FGD3: variants seen among roughly 807,000 people sequenced by gnomAD.
FGD3 encodes the protein FYVE, RhoGEF and PH domain-containing protein 3.
FGD3 carries 45 observed loss-of-function variants against 71.8 expected under a neutral mutation model. That is an observed-to-expected ratio of 0.63 (90% CI 0.49 to 0.80). The LOEUF (loss-of-function observed/expected upper bound fraction) is 0.80. Among genes scored for constraint, FGD3 ranks in the 30% least tolerant of loss-of-function variants. The pLI is 0.00. For missense variants in FGD3, 844 were observed against 951.5 expected, an observed-to-expected ratio of 0.89 and a Z score of 1.49; for synonymous variants, 378 against 392.8, an observed-to-expected ratio of 0.96 and a Z score of 0.44.
chr9:93,019,932 C>T, intron 12 of FGD3, 71 bp downstream of exon 12: 1 of 1,563,512 alleles, frequency 6.4e-7, no homozygotes, highest in South Asian at 1.1e-5. Context: ...CATGTTGGTT[C>T]AGAGGGTGGG....
At chr9:92,981,716 C>T (rs773214384) in intron 3 of FGD3, among the ~76,000 whole-genome samples, 4 of 152,112 alleles carry the variant, frequency 2.6e-5, no homozygotes, top group Admixed American at 1.3e-4. Context: ...TATTTAGGAG[C>T]GCTGAGGTTT....
intron 11 of FGD3, among the ~76,000 whole-genome samples, chr9:93,019,102 G>A (rs1480221040): frequency 1.3e-5 from 2 of 152,082 alleles, no homozygotes; most frequent in Non-Finnish European, 2.9e-5. Flanking sequence ...ACACCCCCTC[G>A]GCCTCCCAAA....
intron 1 of FGD3, among the ~76,000 whole-genome samples, chr9:92,963,048 G>A (rs1324584410): frequency 1.3e-5 from 2 of 152,098 alleles, no homozygotes; most frequent in African/African-American, 2.4e-5. Context: ...TCCTTGTCAC[G>A]GCTGGGTGTA....
intron 1 of FGD3, among the ~76,000 whole-genome samples, chr9:92,967,468 C>G (rs571894421): frequency 1.3e-5 from 2 of 152,216 alleles, no homozygotes; most frequent in Non-Finnish European, 2.9e-5. Flanking sequence ...TAGGACCTAA[C>G]GTAGGTGGAA....
chr9:93,034,448 C>A, intron 16 of FGD3, 93 bp from the exon 17 acceptor site: 1 of 1,458,324 alleles, frequency 6.9e-7, no homozygotes, highest in Non-Finnish European at 9.2e-7. Flanking sequence ...CAGCTCCCCC[C>A]AAGCAGTGGC....
At chr9:93,018,490 G>A (rs1228072042) in intron 11 of FGD3, among the ~76,000 whole-genome samples, 1 of 152,138 alleles carries the variant, frequency 6.6e-6, no homozygotes, top group African/African-American at 2.4e-5. Context: ...GGCATACACA[G>A]CAGGGAATAA....
chr9:93,005,555 T>C (rs1861017986), intron 5 of FGD3, among the ~76,000 whole-genome samples: 1 of 152,218 alleles, frequency 6.6e-6, no homozygotes, highest in Non-Finnish European at 1.5e-5. Context: ...TTTCTGTTTC[T>C]TGAAAATTAT....
chr9:92,978,292 A>AC (rs1225519223), intron 3 of FGD3, among the ~76,000 whole-genome samples: 1 of 152,066 alleles, frequency 6.6e-6, no homozygotes, highest in Non-Finnish European at 1.5e-5. Context: ...CAAAAAAAAA[A>AC]AAAAAAAGAA....
Position 93,035,328 on chromosome 9 carries a change from T to C in FGD3, c.1927-10T>C, listed in dbSNP as rs1349721459. Reference sequence around the variant, plus strand: ...TGTGGCCCCGCTGACCATCTGCTCCTCTGCTGCAGGACGGCCGGCTGCCCC... The same window carrying C: ...TGTGGCCCCGCTGACCATCTGCTCCCCTGCTGCAGGACGGCCGGCTGCCCC... On this transcript the variant is annotated splice_polypyrimidine_tract_variant and intron_variant, in intron 17 of 17. Transcript: ENST00000375482. 6.2e-7 allele frequency: 1 copy of C among 1,606,112 alleles called. No individual in the cohort carries two copies. Among genetic ancestry groups the C allele is most frequent in the Non-Finnish European group, 8.5e-7 (1 of 1,176,220 alleles).
chr9:92,989,679 C>T (rs191447661), intron 3 of FGD3, among the ~76,000 whole-genome samples: 9 of 152,208 alleles, frequency 5.9e-5, no homozygotes, highest in South Asian at 2.1e-4. Context: ...GAAAAGGAGC[C>T]GGTAGGCGAA....
intron 3 of FGD3, among the ~76,000 whole-genome samples, chr9:93,000,134 A>G (rs549737406): frequency 2.0e-5 from 3 of 152,052 alleles, no homozygotes; most frequent in East Asian, 3.9e-4. Flanking sequence ...TACCATTGCA[A>G]TTACATAAAA....
intron 14 of FGD3, 104 bp from the exon 15 acceptor site, chr9:93,029,770 G>A: frequency 6.8e-7 from 1 of 1,466,746 alleles, no homozygotes; most frequent in East Asian, 2.5e-5. Context: ...TTTGCCTTGA[G>A]CCTGTGTGGC....
chr9:93,035,528 C>T lies in FGD3; in HGVS notation c.2117C>T (p.Thr706Met), dbSNP rs536729891. Residue 706 changes from threonine to methionine, a missense_variant, in exon 18 of 18, where the codon ACG (threonine) becomes ATG (methionine). Transcript: ENST00000375482. ...ETLSTAAHGD[T>M]AQDSPGALQL... ...CTAAGCACTGCTGCCCATGGGGACA[C>T]GGCCCAGGACAGCCCGGGGGCCCTG... is the stretch of plus-strand genomic sequence containing the variant. 6.5e-5 allele frequency: 104 copies of T among 1,611,558 alleles called. No homozygotes were observed. Among genetic ancestry groups the T allele is most frequent in the Middle Eastern group, 1.7e-4 (1 of 5,776 alleles).
At chr9:93,002,823 C>T (rs1399804348) in intron 3 of FGD3, 102 bp from the exon 4 acceptor site, 6 of 1,157,402 alleles carry the variant, frequency 5.2e-6, no homozygotes, top group Non-Finnish European at 7.6e-6. Context: ...CCTCCTGCCA[C>T]CCCTGTGGCC....
chr9:92,952,774 C>T (rs1858979764), intron 1 of FGD3, among the ~76,000 whole-genome samples: 1 of 151,636 alleles, frequency 6.6e-6, no homozygotes. Context: ...TCATTCTTTC[C>T]CTTTTTTCTT....
At chr9:92,995,934 CTCTTT>C (rs972047954) in intron 3 of FGD3, among the ~76,000 whole-genome samples, 5 of 151,744 alleles carry the variant, frequency 3.3e-5, no homozygotes, top group African/African-American at 1.2e-4. Context: ...GTCTAAAATT[CTCTTT>C]TTTTTTGTTG....
At chr9:92,957,695 T>TTC (rs1859087399) in intron 1 of FGD3, among the ~76,000 whole-genome samples, 1 of 148,400 alleles carries the variant, frequency 6.7e-6, no homozygotes, top group South Asian at 2.1e-4. Context: ...TTTTTTTTTT[T>TTC]TGAGACAGAG....
intron 14 of FGD3, among the ~76,000 whole-genome samples, chr9:93,029,496 C>T (rs1046584789): frequency 3.3e-5 from 5 of 152,228 alleles, no homozygotes; most frequent in Admixed American, 1.3e-4. Flanking sequence ...GGGATGCCCC[C>T]GTCCCCAGGG....
chr9:93,015,642 A>C (rs1861646287), intron 9 of FGD3, 95 bp from the exon 10 acceptor site: 1 of 797,946 alleles, frequency 1.3e-6, no homozygotes. Context: ...AACATTAAAA[A>C]AAAATGAAAA....
Sources: allele counts gnomAD v4.1 joint callset (sites outside exome capture counted in the v4.1 genomes callset), GRCh38; gene constraint gnomAD v4.1.1; transcripts MANE v1.5; gene names NCBI Gene and HGNC (gene_info 2026-07-23, HGNC 2026-07-21).